Variants in NAV2 observed in about 807,000 individuals in gnomAD.
NAV2 encodes the protein neuron navigator 2.
In NAV2, 54 loss-of-function variants were observed where a neutral mutation model predicts 223.2. That is an observed-to-expected ratio of 0.24 (90% confidence interval 0.19 to 0.30). The LOEUF (loss-of-function observed/expected upper bound fraction) is 0.30, where lower values mean the gene tolerates loss of function less well. NAV2 is among the 10% of genes least tolerant of loss of function. The pLI is 1.00. For synonymous variants in NAV2, 1,279 were observed against 1,239.3 expected (o/e 1.03, Z -0.67); for missense variants, 2,806 against 3,147.5 (o/e 0.89, Z 2.60).
At chr11:20,111,622 G>A (rs2062643194) in intron 36 of NAV2, among the ~76,000 whole-genome samples, 1 of 152,226 alleles carries the variant, frequency 6.6e-6, no homozygotes, top group Admixed American at 6.5e-5. Flanking sequence ...TCTAAAGTCT[G>A]CAGGGTAACT....
chr11:19,960,213 G>T (rs942840719), intron 10 of NAV2, among the ~76,000 whole-genome samples: 2 of 152,122 alleles, frequency 1.3e-5, no homozygotes, highest in Admixed American at 1.3e-4. Flanking sequence ...ATCATTCAAG[G>T]TTCTTACCAG....
At chr11:19,891,435 G>A (rs966500115) in intron 5 of NAV2, among the ~76,000 whole-genome samples, 1 of 152,190 alleles carries the variant, frequency 6.6e-6, no homozygotes, top group African/African-American at 2.4e-5. Context: ...TGGTGAATGG[G>A]CCATAATATC....
At chr11:19,624,762 C>CTGCACCCACTGTCT (rs2047113977) in intron 1 of NAV2, among the ~76,000 whole-genome samples, 1 of 121,872 alleles carries the variant, frequency 8.2e-6, no homozygotes, top group Admixed American at 7.3e-5. Context: ...ACCCACTGTC[C>CTGCACCCACTGTCT]TGCACCCACT....
intron 20 of NAV2, among the ~76,000 whole-genome samples, chr11:20,063,436 G>A (rs549907339): frequency 9.2e-5 from 14 of 152,162 alleles, no homozygotes; most frequent in African/African-American, 2.6e-4. Flanking sequence ...AAAGTGGCAC[G>A]ACCTTGGCTC....
At position 19,453,817 on chromosome 11, in the gene NAV2, G is replaced by T. The variant is rs180883949; in HGVS notation, c.75+102790G>T. ...TGTTAGGTTTTGTCTCCTGCTCAAG[G>T]CCAGAGTCAGCCCTTTAGAAAAAGG... On this transcript the variant is annotated intron_variant, in intron 1 of 37. Coordinates refer to the NAV2 transcript ENST00000360655. Among the ~76,000 whole-genome samples, 378 of 152,222 alleles carry T rather than the reference G, an allele frequency of 2.5e-3. 3 individuals are homozygous for T. The highest frequency in any genetic ancestry group is 1.4e-3 in the Non-Finnish European group (96 of 68,032).
intron 1 of NAV2, among the ~76,000 whole-genome samples, chr11:19,818,621 A>T (rs1296096279): frequency 6.6e-6 from 1 of 152,324 alleles, no homozygotes; most frequent in South Asian, 2.1e-4. Flanking sequence ...TCCAAAATTT[A>T]CTGAAAATGT....
chr11:19,837,802 T>G (rs943239926), intron 2 of NAV2, among the ~76,000 whole-genome samples: 1 of 152,240 alleles, frequency 6.6e-6, no homozygotes. Context: ...GATCCTGAAC[T>G]GCATCCTGTG....
At position 19,770,702 on chromosome 11, in the gene NAV2, TATTC is replaced by T. The variant is rs554836955; in HGVS notation, c.267+56751_267+56754del. ...TGGAGCTTTCAAATTAGTCTTCAAT[TATTC>T]ATTCATTCATCCTGAAACTTATTTT... is the stretch of plus-strand genomic sequence containing the variant. On this transcript the variant is annotated intron_variant, in intron 1 of 37. Coordinates refer to ENST00000349880, the MANE Select transcript of NAV2 (RefSeq NM_145117.5). Among the ~76,000 whole-genome samples, 564 of 152,318 alleles carry T rather than the reference TATTC, an allele frequency of 3.7e-3. 2 individuals are homozygous for T. Among genetic ancestry groups the T allele is most frequent in the Admixed American group, 7.8e-3 (120 of 15,302 alleles).
chr11:19,751,719 A>G (rs577520259), intron 1 of NAV2, among the ~76,000 whole-genome samples: 29 of 152,304 alleles, frequency 1.9e-4, no homozygotes, highest in Non-Finnish European at 3.8e-4. Context: ...ACCTGTTTTC[A>G]AAGCACGTAT....
chr11:19,857,805 T>C (rs12361114), intron 3 of NAV2, among the ~76,000 whole-genome samples: 17,215 of 152,258 alleles, frequency 0.11, 1,037 homozygotes, highest in Admixed American at 0.14. Flanking sequence ...AAGTAATTGA[T>C]ACTTCAGTTG....
rs146056313 is a variant in NAV2 at position 20,083,220 on chromosome 11, G to A, written c.5498+41G>A. ...TAGTCAGATAACATCTTTGGCCCCTGAGAACCTTCTCCAGTAGGAATGGCT... is the reference window on the plus strand; with the variant it reads ...TAGTCAGATAACATCTTTGGCCCCTAAGAACCTTCTCCAGTAGGAATGGCT... On this transcript the variant is annotated intron_variant, in intron 26 of 37. Coordinates refer to ENST00000349880, the MANE Select transcript of NAV2 (RefSeq NM_145117.5). 4.6e-4 allele frequency: 716 copies of A among 1,549,264 alleles called. 5 individuals carry two copies. The African/African-American group carries it at 8.2e-3, about 18-fold the overall frequency.
intron 10 of NAV2, among the ~76,000 whole-genome samples, chr11:19,964,239 A>G (rs1165082865): frequency 6.6e-6 from 1 of 152,086 alleles, no homozygotes; most frequent in Admixed American, 6.6e-5. Context: ...GCTATTTTAG[A>G]AGCTGACACG....
intron 1 of NAV2, among the ~76,000 whole-genome samples, chr11:19,539,956 C>G (rs746793065): frequency 5.9e-5 from 9 of 152,094 alleles, no homozygotes; most frequent in Admixed American, 5.9e-4. Flanking sequence ...GTTTCTGTCC[C>G]GATAGGAGCA....
chr11:19,893,559 A>G (rs768039598), intron 6 of NAV2, among the ~76,000 whole-genome samples: 1 of 152,130 alleles, frequency 6.6e-6, no homozygotes, highest in Non-Finnish European at 1.5e-5. Context: ...TTCTCCTCTA[A>G]CTCAGAGTCA....
intron 27 of NAV2, 68 bp from the exon 28 acceptor site, chr11:20,092,134 ATCCT>A (rs1389492367): frequency 9.4e-6 from 14 of 1,494,552 alleles, no homozygotes; most frequent in African/African-American, 1.4e-5. Flanking sequence ...GAACTTTCAG[ATCCT>A]TCCTTCAGAA....
At chr11:19,980,286 G>A (rs569203338) in intron 10 of NAV2, among the ~76,000 whole-genome samples, 19 of 152,206 alleles carry the variant, frequency 1.2e-4, no homozygotes, top group Non-Finnish European at 2.6e-4. Flanking sequence ...GAACTCGGGA[G>A]GGTAATGGGG....
At chr11:20,086,522 G>C (rs2060456754) in intron 26 of NAV2, among the ~76,000 whole-genome samples, 1 of 152,042 alleles carries the variant, frequency 6.6e-6, no homozygotes, top group South Asian at 2.1e-4. Flanking sequence ...CATTGCACAT[G>C]TTGCCCCCTG....
intron 4 of NAV2, among the ~76,000 whole-genome samples, chr11:19,876,216 C>A (rs572344932): frequency 1.3e-5 from 2 of 152,122 alleles, no homozygotes; most frequent in African/African-American, 4.8e-5. Context: ...TTAGTAGAGA[C>A]GGTGTTTCAC....
At chr11:19,874,896 C>T (rs576854400) in intron 4 of NAV2, among the ~76,000 whole-genome samples, 4 of 152,344 alleles carry the variant, frequency 2.6e-5, no homozygotes, top group Non-Finnish European at 4.4e-5. Flanking sequence ...ATGGCTCACG[C>T]CTTTAATCCC....
Sources: allele counts gnomAD v4.1 joint callset (sites outside exome capture counted in the v4.1 genomes callset), GRCh38; gene constraint gnomAD v4.1.1; transcripts MANE v1.5; gene names NCBI Gene and HGNC (gene_info 2026-07-23, HGNC 2026-07-21).